The following ENOX1 variants were observed in gnomAD, a reference collection of about 807,000 sequenced individuals.
ENOX1 encodes the protein ecto-NOX disulfide-thiol exchanger 1.
A neutral mutation model predicts 82.5 loss-of-function variants in ENOX1; 42 were observed. That is an observed-to-expected ratio of 0.51 (90% confidence interval 0.40 to 0.66). The LOEUF is 0.66. ENOX1 is among the 30% of genes least tolerant of loss of function. The pLI, the probability that ENOX1 is intolerant of heterozygous loss-of-function variation, is 0.00. For synonymous variants in ENOX1, 271 were observed against 282.2 expected (o/e 0.96, Z 0.40); for missense variants, 608 against 811.6 (o/e 0.75, Z 3.05).
At chr13:43,435,809 A>G (rs1373646808) in intron 3 of ENOX1, among the ~76,000 whole-genome samples, 1 of 152,148 alleles carries the variant, frequency 6.6e-6, no homozygotes, top group Non-Finnish European at 1.5e-5. Context: ...AACAAATAAT[A>G]TTAAAGAAAA....
At chr13:43,258,716 C>T (rs1246404462) in intron 14 of ENOX1, among the ~76,000 whole-genome samples, 4 of 152,144 alleles carry the variant, frequency 2.6e-5, no homozygotes, top group African/African-American at 9.7e-5. Context: ...TCCAGTTGAG[C>T]TTTTCTGGAG....
At chr13:43,247,925 G>A (rs1184474880) in intron 14 of ENOX1, among the ~76,000 whole-genome samples, 1 of 101,300 alleles carries the variant, frequency 9.9e-6, no homozygotes, top group African/African-American at 3.8e-5. Flanking sequence ...TCGCTCTGTC[G>A]CCCAGGCTGG....
chr13:43,527,969 A>G (rs1257622440), intron 2 of ENOX1, among the ~76,000 whole-genome samples: 9 of 152,104 alleles, frequency 5.9e-5, no homozygotes. Flanking sequence ...TTCCATTATA[A>G]TCCAATTTTC....
intron 2 of ENOX1, among the ~76,000 whole-genome samples, chr13:43,580,322 T>C (rs941912351): frequency 6.6e-6 from 1 of 152,146 alleles, no homozygotes; most frequent in African/African-American, 2.4e-5. Flanking sequence ...CCATTTGGGG[T>C]TTTTTTGTAA....
chr13:43,417,249 G>GGGAGAC (rs2054674287), intron 3 of ENOX1, among the ~76,000 whole-genome samples: 1 of 94,248 alleles, frequency 1.1e-5, no homozygotes, highest in African/African-American at 5.6e-5. Flanking sequence ...AGACGGGAGA[G>GGGAGAC]GGAGAGGGAG....
chr13:43,325,791 G>C (rs1204953898), intron 10 of ENOX1, among the ~76,000 whole-genome samples: 1 of 152,174 alleles, frequency 6.6e-6, no homozygotes, highest in Non-Finnish European at 1.5e-5. Flanking sequence ...TGGACGACCA[G>C]TGACTAATGA....
chr13:43,597,134 C>T (rs1301603641), intron 2 of ENOX1, among the ~76,000 whole-genome samples: 2 of 152,158 alleles, frequency 1.3e-5, no homozygotes, highest in Non-Finnish European at 2.9e-5. Context: ...AAGAGCTATA[C>T]ACTTATCAGA....
intron 12 of ENOX1, among the ~76,000 whole-genome samples, chr13:43,282,115 T>C (rs1488022789): frequency 6.6e-6 from 1 of 152,170 alleles, no homozygotes; most frequent in Non-Finnish European, 1.5e-5. Flanking sequence ...AAATCATGAA[T>C]GGATATTTGG....
chr13:43,319,498 C>T (rs2047690662), intron 11 of ENOX1, among the ~76,000 whole-genome samples: 1 of 152,100 alleles, frequency 6.6e-6, no homozygotes, highest in Non-Finnish European at 1.5e-5. Context: ...TCATATAAGT[C>T]CTTACACAAT....
At chr13:43,539,718 T>C (rs2078627863) in intron 2 of ENOX1, among the ~76,000 whole-genome samples, 1 of 152,192 alleles carries the variant, frequency 6.6e-6, no homozygotes, top group African/African-American at 2.4e-5. Context: ...TCTAAATGCT[T>C]ACTAATGTTT....
intron 1 of ENOX1, among the ~76,000 whole-genome samples, chr13:43,728,689 G>A (rs1435971148): frequency 6.6e-6 from 1 of 152,148 alleles, no homozygotes. Context: ...CTTGGAGACT[G>A]GGAGATGCAC....
chr13:43,216,733 C>T (rs1200259674), intron 16 of ENOX1, among the ~76,000 whole-genome samples: 2 of 152,094 alleles, frequency 1.3e-5, no homozygotes, highest in Admixed American at 6.5e-5. Flanking sequence ...ACAGTGTAAC[C>T]GCCACCTCCC....
intron 12 of ENOX1, among the ~76,000 whole-genome samples, chr13:43,271,672 C>T (rs2044691666): frequency 2.6e-5 from 4 of 151,874 alleles, no homozygotes. Flanking sequence ...TTAAAACACA[C>T]ACACACACAC....
intron 2 of ENOX1, among the ~76,000 whole-genome samples, chr13:43,514,364 C>G (rs2077481794): frequency 6.6e-6 from 1 of 152,110 alleles, no homozygotes; most frequent in African/African-American, 2.4e-5. Flanking sequence ...TATCTAGCAC[C>G]AAATGTATTT....
chr13:43,683,181 G>A (rs1433997837), intron 1 of ENOX1, among the ~76,000 whole-genome samples: 3 of 152,102 alleles, frequency 2.0e-5, no homozygotes, highest in Admixed American at 6.6e-5. Flanking sequence ...TTGAGGTTCT[G>A]GCACTTGTCA....
intron 10 of ENOX1, 118 bp from the exon 11 acceptor site, chr13:43,322,619 A>T (rs2047880011): frequency 1.2e-6 from 1 of 822,808 alleles, no homozygotes; most frequent in South Asian, 1.8e-5. Flanking sequence ...TTATCTCCCA[A>T]ATATAGCCTC....
intron 12 of ENOX1, among the ~76,000 whole-genome samples, chr13:43,285,310 T>A (rs1054025354): frequency 1.3e-5 from 2 of 152,166 alleles, no homozygotes; most frequent in Non-Finnish European, 2.9e-5. Context: ...TATATATATA[T>A]GGAGAAAAAG....
At chr13:43,590,508 C>G (rs934201672) in intron 2 of ENOX1, among the ~76,000 whole-genome samples, 2 of 152,104 alleles carry the variant, frequency 1.3e-5, no homozygotes, top group African/African-American at 4.8e-5. Flanking sequence ...GGTGTGGTGG[C>G]TCACGCCTGT....
intron 1 of ENOX1, among the ~76,000 whole-genome samples, chr13:43,679,475 T>A (rs898215239): frequency 6.6e-6 from 1 of 152,244 alleles, no homozygotes; most frequent in Non-Finnish European, 1.5e-5. Flanking sequence ...GTTTTACACA[T>A]AATACCTACT....
Sources: gnomAD v4.1 joint callset for allele counts (sites outside exome capture counted in the v4.1 genomes callset) on GRCh38, gnomAD v4.1.1 for gene constraint, MANE v1.5 for transcripts, NCBI Gene and HGNC (gene_info 2026-07-23, HGNC 2026-07-21) for gene names.